Variants in JKAMP observed in about 807,000 individuals in gnomAD.
The protein encoded by JKAMP is JNK1/MAPK8 associated membrane protein.
In JKAMP, 20 loss-of-function variants were observed where a neutral mutation model predicts 40.2. The observed-to-expected ratio is 0.50, with a 90% CI of 0.35 to 0.72. The LOEUF (loss-of-function observed/expected upper bound fraction) is 0.72, where lower values mean the gene tolerates loss of function less well. JKAMP is among the 30% of genes least tolerant of loss of function. The pLI is 0.01. For synonymous variants in JKAMP, 138 were observed against 131.6 expected (o/e 1.05, Z -0.33); for missense variants, 276 against 373.0 (o/e 0.74, Z 2.14).
chr14:59,497,101 GTATA>G (rs1208414074), intron 4 of JKAMP, among the ~76,000 whole-genome samples: 2 of 150,520 alleles, frequency 1.3e-5, no homozygotes, highest in East Asian at 1.9e-4. Flanking sequence ...TTTTCCCAAT[GTATA>G]TATAGCCTAG....
intron 4 of JKAMP, chr14:59,495,426 G>A: frequency 3.8e-6 from 2 of 526,724 alleles, no homozygotes; most frequent in Admixed American, 3.2e-5. Context: ...TCCTTATAAG[G>A]TGTCGTGAGG....
chr14:59,490,975 G>T (rs1890948595), intron 3 of JKAMP, among the ~76,000 whole-genome samples: 1 of 152,194 alleles, frequency 6.6e-6, no homozygotes, highest in Admixed American at 6.5e-5. Context: ...AGTGACTAAT[G>T]CTCAGACAGG....
At chr14:59,494,818 A>G (rs1891316793) in intron 3 of JKAMP, among the ~76,000 whole-genome samples, 200 bp from the exon 4 acceptor site, 1 of 152,148 alleles carries the variant, frequency 6.6e-6, no homozygotes, top group African/African-American at 2.4e-5. Context: ...GGTAGATATA[A>G]TTTCTGCTTT....
intron 4 of JKAMP, 30 bp downstream of exon 4, chr14:59,495,254 G>GTT: frequency 1.8e-6 from 1 of 546,152 alleles, no homozygotes; most frequent in Non-Finnish European, 2.5e-6. Context: ...TAAGATCATT[G>GTT]TTTTTTTTTA....
chr14:59,499,040 T>TTTTC, intron 5 of JKAMP, 132 bp downstream of exon 5: 1 of 453,818 alleles, frequency 2.2e-6, no homozygotes, highest in East Asian at 3.7e-5. Context: ...TTTTTTTTTT[T>TTTTC]TTGTGATGGA....
At position 59,487,795 on chromosome 14, in the gene JKAMP, G is replaced by C. The variant is rs1890691948; in HGVS notation, c.218G>C (p.Trp73Ser). ...FMAMLPLVLH[W>S]FFIEWYSGKK... ...GCAATGCTTCCTCTGGTTTTACATT[G>C]GTTCTTCATTGAATGGTACTCGGGG... The change falls in exon 3 of 7, where the codon TGG becomes TCG. Residue 73 changes from tryptophan (W) to serine (S), a missense_variant. By Grantham distance (177) the Trp-to-Ser change is radical (BLOSUM62 -3). Coordinates refer to ENST00000616435, the MANE Select transcript of JKAMP (RefSeq NM_016475.5). 6.2e-7 allele frequency: 1 copy of C among 1,613,530 alleles called. No individual in the cohort carries two copies. Among genetic ancestry groups the C allele is most frequent in the Admixed American group, 1.7e-5 (1 of 60,004 alleles).
At chr14:59,490,988 A>G (rs1890950085) in intron 3 of JKAMP, among the ~76,000 whole-genome samples, 1 of 152,214 alleles carries the variant, frequency 6.6e-6, no homozygotes. Flanking sequence ...CAGACAGGAA[A>G]GGAGGTGGGT....
chr14:59,504,957 T>G lies in JKAMP; in HGVS notation c.*885T>G. On this transcript the variant is annotated 3_prime_UTR_variant, in exon 7 of 7. Transcript: ENST00000616435. ...TTTCCTGTGGTTGGTTTGTGGTTTG[T>G]GATAGGTGTTCTGTGATGTTTATGC... 4.4e-6 allele frequency: 1 copy of G among 229,474 alleles called. No individual in the cohort carries two copies. Among genetic ancestry groups the G allele is most frequent in the East Asian group, 8.7e-5 (1 of 11,470 alleles). 14.2% of individuals were successfully genotyped at this position (229,474 alleles called of 1,614,324 possible).
In JKAMP at chr14:59,505,019, A is replaced by C; in HGVS notation, c.*947A>C. 1 of 346,616 alleles carries C rather than the reference A, an allele frequency of 2.9e-6. No homozygotes were observed. The allele number at this position is 346,616 out of a possible 1,614,324, so 21.5% of individuals were successfully genotyped here. ...TAAGACTCATGGTTGCAACCATGGAAGCAAAATGAAATTTTTAGCTCTTAA... is the reference window on the plus strand; with the variant it reads ...TAAGACTCATGGTTGCAACCATGGACGCAAAATGAAATTTTTAGCTCTTAA... On this transcript the variant is annotated 3_prime_UTR_variant, in exon 7 of 7. Transcript: ENST00000616435.
intron 1 of JKAMP, chr14:59,484,957 A>G (rs1449530759): frequency 3.3e-6 from 5 of 1,523,626 alleles, no homozygotes; most frequent in Non-Finnish European, 4.4e-6. Flanking sequence ...AAGTTGCTGC[A>G]TAATTTGTCT....
At chr14:59,486,480 T>G (rs1173410419) in intron 1 of JKAMP, among the ~76,000 whole-genome samples, 1 of 152,232 alleles carries the variant, frequency 6.6e-6, no homozygotes, top group Admixed American at 6.5e-5. Flanking sequence ...GCTCTGCTGG[T>G]TGAGGACCTT....
intron 2 of JKAMP, among the ~76,000 whole-genome samples, 194 bp downstream of exon 2, chr14:59,486,998 C>T (rs746830918): frequency 1.1e-4 from 17 of 151,994 alleles, no homozygotes; most frequent in Non-Finnish European, 1.3e-4. Context: ...GTCAGGAGTT[C>T]GAGACCAGCC....
chr14:59,491,290 A>G (rs916261910), intron 3 of JKAMP, among the ~76,000 whole-genome samples: 12 of 152,182 alleles, frequency 7.9e-5, no homozygotes, highest in Non-Finnish European at 1.5e-4. Context: ...GAAATAGAGA[A>G]GACGATGCTG....
intron 4 of JKAMP, among the ~76,000 whole-genome samples, chr14:59,496,380 C>T (rs1374789082): frequency 6.6e-6 from 1 of 151,612 alleles, no homozygotes; most frequent in Non-Finnish European, 1.5e-5. Context: ...TCTCCTAAGG[C>T]CTTGCATAAC....
At chr14:59,485,582 T>A (rs1376282270) in intron 1 of JKAMP, 1 of 153,798 alleles carries the variant, frequency 6.5e-6, no homozygotes, top group African/African-American at 2.4e-5. Flanking sequence ...TCAAGAATAG[T>A]CAAAAGATGC....
chr14:59,501,085 T>A, intron 5 of JKAMP, 106 bp from the exon 6 acceptor site: 2 of 711,232 alleles, frequency 2.8e-6, no homozygotes, highest in Admixed American at 5.6e-5. Context: ...ACAGAACTGG[T>A]TGAGAAAGGA....
intron 6 of JKAMP, among the ~76,000 whole-genome samples, chr14:59,503,178 G>A (rs993337562): frequency 6.6e-6 from 1 of 152,130 alleles, no homozygotes; most frequent in Admixed American, 6.5e-5. Context: ...GCATGAATCA[G>A]AAATGGGGAC....
intron 2 of JKAMP, 58 bp downstream of exon 2, chr14:59,486,862 T>G: frequency 3.5e-6 from 4 of 1,151,776 alleles, no homozygotes; most frequent in Non-Finnish European, 5.0e-6. Flanking sequence ...TTTTGAAATA[T>G]TTTCACATAC....
At chr14:59,488,795 C>T (rs1291930466) in intron 3 of JKAMP, among the ~76,000 whole-genome samples, 1 of 152,222 alleles carries the variant, frequency 6.6e-6, no homozygotes, top group African/African-American at 2.4e-5. Context: ...ATACTCTCTT[C>T]ATCTGACTGC....
Sources: gnomAD v4.1 joint callset for allele counts (sites outside exome capture counted in the v4.1 genomes callset) on GRCh38, gnomAD v4.1.1 for gene constraint, MANE v1.5 for transcripts, NCBI Gene and HGNC (gene_info 2026-07-23, HGNC 2026-07-21) for gene names.